Variants in SCN2A observed in about 807,000 individuals in gnomAD.
SCN2A encodes the protein sodium channel protein type 2 subunit alpha.
SCN2A carries 20 observed loss-of-function variants against 188.7 expected under a neutral mutation model. The ratio of observed to expected loss-of-function variants is 0.11; its 90% CI spans 0.07 to 0.15. The LOEUF (loss-of-function observed/expected upper bound fraction) is 0.15. SCN2A is among the 10% of genes least tolerant of loss of function. The probability of loss-of-function intolerance (pLI) is 1.00; values close to 1 mark genes in which losing one functional copy is unlikely to be tolerated. For synonymous variants in SCN2A, 804 were observed against 833.1 expected, an observed-to-expected ratio of 0.97 and a Z score of 0.60; for missense variants, 1,278 against 2,445.0, an observed-to-expected ratio of 0.52 and a Z score of 10.07.
rs1316385089 is a variant in SCN2A, at chr2:165,344,870, C to T, written c.2878C>T (p.Leu960Phe). 1 of 1,614,002 alleles carries T rather than the reference C, an allele frequency of 6.2e-7. No homozygotes were observed. Among genetic ancestry groups the T allele is most frequent in the Non-Finnish European group, 8.5e-7 (1 of 1,180,026 alleles). ...GGAGGTCGCTGGCCAAACCATGTGC[C>T]TTACTGTCTTCATGATGGTCATGGT... is the stretch of plus-strand genomic sequence containing the variant. ...CMEVAGQTMCLTVFMMVMVIG... is the reference protein window; with the variant it reads ...CMEVAGQTMCFTVFMMVMVIG... The change falls in exon 16 of 27, where the codon CTT (leucine) becomes TTT (phenylalanine). Residue 960 changes from leucine to phenylalanine, a missense_variant. Leu to Phe is a conservative substitution (Grantham distance 22, BLOSUM62 0). Coordinates refer to ENST00000375437, the MANE Select transcript of SCN2A (RefSeq NM_001040142.2).
At chr2:165,301,944 C>A (rs114383425) in intron 3 of SCN2A, among the ~76,000 whole-genome samples, 2 of 152,090 alleles carry the variant, frequency 1.3e-5, no homozygotes, top group African/African-American at 2.4e-5. Context: ...AACTTCAGAC[C>A]AGGTTTTTTG....
At chr2:165,242,550 G>T (rs1398319587) in intron 1 of SCN2A, among the ~76,000 whole-genome samples, 1 of 152,040 alleles carries the variant, frequency 6.6e-6, no homozygotes, top group African/African-American at 2.4e-5. Context: ...GCAGAGACAG[G>T]GGCTCTGAGG....
chr2:165,297,191 A>G, intron 3 of SCN2A, 56 bp downstream of exon 3: 1 of 1,051,796 alleles, frequency 9.5e-7, no homozygotes. Context: ...CAAGTTATTG[A>G]GCTACACATT....
chr2:165,318,345 A>AT (rs1240344336), intron 11 of SCN2A, among the ~76,000 whole-genome samples: 1 of 152,162 alleles, frequency 6.6e-6, no homozygotes, highest in Non-Finnish European at 1.5e-5. Flanking sequence ...GATAATCTGG[A>AT]TTTTTTTGAA....
Position 165,354,462 on chromosome 2 carries a change from G to T in SCN2A, c.3190G>T (p.Asp1064Tyr), listed in dbSNP as rs769395683. ...CCATACCACCATAGAAATAGGCAAAGACCTCAATTATCTCAAAGACGGAAA... is the reference window on the plus strand; with the variant it reads ...CCATACCACCATAGAAATAGGCAAATACCTCAATTATCTCAAAGACGGAAA... ...SNHTTIEIGK[D>Y]LNYLKDGNGT... Residue 1064 changes from aspartate (D) to tyrosine (Y), a missense_variant, in exon 17 of 27, where the codon GAC becomes TAC. Transcript: ENST00000375437. The T allele has an allele frequency of 4.3e-6, 7 of 1,613,946 alleles. No individual in the cohort carries two copies. In the Admixed American group the frequency reaches 8.3e-5, roughly 19 times the overall value.
At chr2:165,325,238 T>A (rs1698290250) in intron 12 of SCN2A, among the ~76,000 whole-genome samples, 1 of 152,192 alleles carries the variant, frequency 6.6e-6, no homozygotes. Context: ...CTATCAGAGA[T>A]GATGGGACAA....
chr2:165,341,182 C>T (rs1441215608), intron 14 of SCN2A, among the ~76,000 whole-genome samples: 1 of 152,196 alleles, frequency 6.6e-6, no homozygotes, highest in African/African-American at 2.4e-5. Context: ...CAAGCTCCGA[C>T]TCCCGGGTTC....
chr2:165,271,169 C>T (rs1485483502), intron 1 of SCN2A: 1 of 151,942 alleles, frequency 6.6e-6, no homozygotes, highest in African/African-American at 2.4e-5. Flanking sequence ...TTACTGGACT[C>T]GGTGTTATTA....
chr2:165,362,994 T>G (rs1700540584), intron 17 of SCN2A, among the ~76,000 whole-genome samples: 1 of 152,088 alleles, frequency 6.6e-6, no homozygotes, highest in South Asian at 2.1e-4. Context: ...CCAAAGTCAT[T>G]TAAAGTATTG....
chr2:165,265,861 A>C (rs1000344548), intron 1 of SCN2A, among the ~76,000 whole-genome samples: 1 of 150,118 alleles, frequency 6.7e-6, no homozygotes, highest in Non-Finnish European at 1.5e-5. Flanking sequence ...TAACTCTATC[A>C]CCCAGGCTGG....
chr2:165,310,517 A>G lies in SCN2A; in HGVS notation c.892A>G (p.Asn298Asp), dbSNP rs754706708. Residue 298 changes from asparagine to aspartate, a missense_variant, in exon 7 of 27, where the codon AAT becomes GAT. Transcript: ENST00000375437. ...AATAAATATCACTTCCTTCTTTAAC[A>G]ATTCATTGGATGGGAATGGTACTAC... ...FEINITSFFN[N>D]SLDGNGTTFN... is the part of the protein sequence containing the mutation. 5.0e-6 allele frequency: 8 copies of G among 1,613,098 alleles called. No individual in the cohort carries two copies. The Admixed American group carries it at 8.3e-5, about 17-fold the overall frequency.
intron 1 of SCN2A, chr2:165,269,526 T>C (rs1695013739): frequency 6.6e-6 from 1 of 152,054 alleles, no homozygotes; most frequent in South Asian, 2.1e-4. Flanking sequence ...ATTGTTCCTA[T>C]CCTACATTTT....
chr2:165,378,469 T>C (rs17185905), intron 23 of SCN2A, among the ~76,000 whole-genome samples: 39,084 of 151,572 alleles, frequency 0.26, 5,445 homozygotes, highest in South Asian at 0.32. Flanking sequence ...TTATTGATTA[T>C]CACTATTCAC....
At chr2:165,314,727 G>T (rs1394074480) in intron 10 of SCN2A, among the ~76,000 whole-genome samples, 2 of 152,076 alleles carry the variant, frequency 1.3e-5, no homozygotes, top group Non-Finnish European at 2.9e-5. Flanking sequence ...TCAAAATAAG[G>T]CAAGAATTTC....
At chr2:165,346,380 T>C (rs761295087) in intron 16 of SCN2A, among the ~76,000 whole-genome samples, 2 of 152,228 alleles carry the variant, frequency 1.3e-5, no homozygotes, top group Non-Finnish European at 2.9e-5. Context: ...CATAGTCCCA[T>C]GTTTCTTGGA....
At chr2:165,306,512 G>A (rs1275779842) in intron 3 of SCN2A, among the ~76,000 whole-genome samples, 88 of 7,324 alleles carry the variant, frequency 0.012, no homozygotes, top group African/African-American at 0.019. Context: ...TTTTGTGTGT[G>A]TGTGTGTGTG....
At chr2:165,367,869 A>G (rs370242211) in intron 19 of SCN2A, among the ~76,000 whole-genome samples, 31 of 152,242 alleles carry the variant, frequency 2.0e-4, no homozygotes, top group African/African-American at 7.2e-4. Flanking sequence ...AGTGAACTCC[A>G]TACCGGCCCC....
chr2:165,323,096 C>T, intron 11 of SCN2A, 60 bp from the exon 12 acceptor site: 1 of 1,485,090 alleles, frequency 6.7e-7, no homozygotes, highest in Non-Finnish European at 9.3e-7. Context: ...TTCTGTTTTT[C>T]AGAATGCCAG....
intron 1 of SCN2A, among the ~76,000 whole-genome samples, chr2:165,288,398 CT>C (rs113368992): frequency 2.0e-5 from 3 of 148,658 alleles, no homozygotes; most frequent in African/African-American, 7.4e-5. Flanking sequence ...TCTTGACAGG[CT>C]TTTTTTTTCT....
Sources: gnomAD v4.1 joint callset for allele counts (sites outside exome capture counted in the v4.1 genomes callset) on GRCh38, gnomAD v4.1.1 for gene constraint, MANE v1.5 for transcripts, NCBI Gene and HGNC (gene_info 2026-07-23, HGNC 2026-07-21) for gene names.